TTF1: variants seen among roughly 807,000 people sequenced by gnomAD.
TTF1 encodes the protein transcription termination factor, RNA polymerase I.
Under a neutral mutation model 80.2 loss-of-function variants are expected in TTF1, and 64 were observed. The ratio of observed to expected loss-of-function variants is 0.80; its 90% CI spans 0.65 to 0.98. The LOEUF (loss-of-function observed/expected upper bound fraction) is 0.98. TTF1 is among the 50% of genes least tolerant of loss of function. The pLI, the probability that TTF1 is intolerant of heterozygous loss-of-function variation, is 0.00. For missense variants in TTF1, 1,023 were observed against 1,086.2 expected, an observed-to-expected ratio of 0.94 and a Z score of 0.82; for synonymous variants, 372 against 382.7, an observed-to-expected ratio of 0.97 and a Z score of 0.33.
At chr9:132,403,141 C>T (rs1849799875) in intron 1 of TTF1, among the ~76,000 whole-genome samples, 1 of 152,148 alleles carries the variant, frequency 6.6e-6, no homozygotes, top group Non-Finnish European at 1.5e-5. Context: ...TTACAGGCGT[C>T]AGCCACCGTG....
chr9:132,396,373 T>C, intron 5 of TTF1, 60 bp downstream of exon 5: 1 of 1,507,416 alleles, frequency 6.6e-7, no homozygotes. Context: ...ATATTTTGAT[T>C]TATGGTATCA....
chr9:132,388,985 G>A (rs940814937), intron 7 of TTF1, among the ~76,000 whole-genome samples: 2 of 152,148 alleles, frequency 1.3e-5, no homozygotes, highest in Middle Eastern at 3.2e-3. Context: ...TGTACCAGTG[G>A]AGGTCACTTC....
In TTF1 at chr9:132,375,550, T is replaced by C. The variant is rs1849156589; in HGVS notation, c.*365A>G. 2 of 168,820 alleles carry C rather than the reference T, an allele frequency of 1.2e-5. No homozygotes were observed. The highest frequency in any genetic ancestry group is 2.9e-4 in the South Asian group (2 of 6,814). The allele number at this position is 168,820 out of a possible 1,614,324, so 10.5% of individuals were successfully genotyped here. ...AAATCAATTCATATGTTCCTCTCTT[T>C]TCACATTCAAATACGTTTTAATAGG... On this transcript the variant is annotated 3_prime_UTR_variant, in exon 11 of 11. Coordinates refer to ENST00000334270, the MANE Select transcript of TTF1 (RefSeq NM_007344.4).
At position 132,400,364 on chromosome 9, in the gene TTF1, G is replaced by A. The variant is rs546733737; in HGVS notation, c.1368-106C>T. On this transcript the variant is annotated intron_variant, in intron 2 of 10. Coordinates refer to ENST00000334270, the MANE Select transcript of TTF1 (RefSeq NM_007344.4). ...TCGTGAGACAGAGGCTTGCTCTGTC[G>A]CCAGGCTGGAGTGCAATGGTGCGAT... 30 of 911,354 alleles carry A rather than the reference G, an allele frequency of 3.3e-5. 1 individual carries two copies. Among genetic ancestry groups the A allele is most frequent in the Middle Eastern group, 2.9e-4 (1 of 3,414 alleles). 56.5% of individuals were successfully genotyped at this position (911,354 alleles called of 1,614,324 possible).
chr9:132,400,883 A>AT (rs1267185913), intron 2 of TTF1, among the ~76,000 whole-genome samples: 1 of 152,076 alleles, frequency 6.6e-6, no homozygotes, highest in South Asian at 2.1e-4. Context: ...TTACTCATAG[A>AT]TTTTCTAGGG....
intron 1 of TTF1, among the ~76,000 whole-genome samples, chr9:132,405,142 C>CT (rs1451632746): frequency 1.4e-4 from 21 of 152,208 alleles, no homozygotes; most frequent in Admixed American, 1.4e-3. Flanking sequence ...CCGCCTCGGC[C>CT]TCCCAAAGTG....
chr9:132,392,678 C>T (rs1364993454), intron 5 of TTF1, among the ~76,000 whole-genome samples: 2 of 152,190 alleles, frequency 1.3e-5, no homozygotes, highest in East Asian at 3.8e-4. Context: ...CTTGTTCATG[C>T]CTCTTCCTCC....
chr9:132,392,352 T>G, intron 5 of TTF1, 146 bp from the exon 6 acceptor site: 1 of 946,116 alleles, frequency 1.1e-6, no homozygotes, highest in Non-Finnish European at 1.6e-6. Context: ...CACTTCCTGT[T>G]GGCGTCTCAC....
rs149259603 is a variant in TTF1, at chr9:132,380,196, A to T, written c.2379-1052T>A. Reference sequence around the variant, plus strand: ...GTTGTTCTCCTGGCTCAGCCTCCTGAGTAGCTGGGATTACAGGTGCCCACC... The same window carrying T: ...GTTGTTCTCCTGGCTCAGCCTCCTGTGTAGCTGGGATTACAGGTGCCCACC... On this transcript the variant is annotated intron_variant, in intron 9 of 10. Transcript: ENST00000334270. Among the ~76,000 whole-genome samples the T allele has an allele frequency of 4.0e-3, 611 of 152,080 alleles. 1 individual carries two copies. Among genetic ancestry groups the T allele is most frequent in the South Asian group, 9.6e-3 (46 of 4,816 alleles).
chr9:132,381,451 A>G (rs1213819863), intron 9 of TTF1, among the ~76,000 whole-genome samples: 1 of 152,190 alleles, frequency 6.6e-6, no homozygotes, highest in Non-Finnish European at 1.5e-5. Flanking sequence ...TGGCCTCCCA[A>G]AGTGCTGGGA....
chr9:132,385,972 T>C (rs912306787), intron 9 of TTF1, among the ~76,000 whole-genome samples: 2 of 152,210 alleles, frequency 1.3e-5, no homozygotes, highest in African/African-American at 4.8e-5. Context: ...GCCTGGCATA[T>C]AGGCACCTCG....
At chr9:132,400,572 C>T (rs989981239) in intron 2 of TTF1, among the ~76,000 whole-genome samples, 37 of 152,326 alleles carry the variant, frequency 2.4e-4, no homozygotes, top group Middle Eastern at 3.4e-3. Context: ...ACTCACCCAC[C>T]TTGGCCTCCC....
chr9:132,375,807 C>A lies in TTF1; in HGVS notation c.*108G>T. On this transcript the variant is annotated 3_prime_UTR_variant, in exon 11 of 11. Transcript: ENST00000334270. ...AAGCAATTCTCCTGCCTCAGCCTCC[C>A]AAGTAGTTGAAATTACAGGTGTGCA... 2 of 681,280 alleles carry A rather than the reference C, an allele frequency of 2.9e-6. No homozygotes were observed. Among genetic ancestry groups the A allele is most frequent in the Admixed American group, 5.7e-5 (2 of 35,046 alleles). The allele number at this position is 681,280 out of a possible 1,614,324, so 42.2% of individuals were successfully genotyped here. A position where few individuals can be genotyped will look rare whatever the true frequency, so the allele number is the denominator to read the frequency against.
At chr9:132,378,480 GGTGT>G (rs1237802778) in intron 10 of TTF1, among the ~76,000 whole-genome samples, 2 of 137,522 alleles carry the variant, frequency 1.5e-5, no homozygotes, top group Admixed American at 1.5e-4. Context: ...GAGTGCATGT[GGTGT>G]GTGTGAATGC....
chr9:132,390,782 C>CT lies in TTF1; in HGVS notation c.2036dup (p.Ala680GlyfsTer27). The CT allele has an allele frequency of 6.2e-7, 1 of 1,614,166 alleles. No individual in the cohort carries two copies. The highest frequency in any genetic ancestry group is 1.3e-5 in the African/African-American group (1 of 75,020). On this transcript the variant is annotated frameshift_variant, in exon 7 of 11. Transcript: ENST00000334270. LOFTEE classifies it high-confidence loss of function. ...TCTTCAGAATCACTTCTTCGACAGC[C>CT]TTGATTAGTTTCCGGGTTTCAGACT...
chr9:132,380,871 T>C (rs1460491806), intron 9 of TTF1, among the ~76,000 whole-genome samples: 2 of 152,194 alleles, frequency 1.3e-5, no homozygotes. Flanking sequence ...GTTCATCAGT[T>C]ACCCCCTACC....
At chr9:132,403,834 C>T (rs1849812131) in intron 1 of TTF1, among the ~76,000 whole-genome samples, 1 of 152,146 alleles carries the variant, frequency 6.6e-6, no homozygotes, top group Admixed American at 6.5e-5. Context: ...TGACCTCAAA[C>T]CAGAAGTTGG....
rs1163120728 is a variant in TTF1, at chr9:132,400,207, T to C, written c.1419A>G (p.Glu473=). The C allele has an allele frequency of 6.2e-7, 1 of 1,614,218 alleles. No individual in the cohort carries two copies. Among genetic ancestry groups the C allele is most frequent in the Admixed American group, 1.7e-5 (1 of 60,030 alleles). Residue 473 remains glutamate, a synonymous_variant, in exon 3 of 11, where the codon GAA becomes GAG. Coordinates refer to ENST00000334270, the MANE Select transcript of TTF1 (RefSeq NM_007344.4). ...CTGAATCTGCAGATAAGTATCTTAT[T>C]TCGGAATCTTCAGCTGTTTCCACAT... ...EHNVETAEDS[E]IRYLSADSGD...
At chr9:132,383,161 T>C (rs185876153) in intron 9 of TTF1, among the ~76,000 whole-genome samples, 1 of 150,758 alleles carries the variant, frequency 6.6e-6, no homozygotes, top group East Asian at 1.9e-4. Context: ...GGCACAAGAA[T>C]TGCTTGAACC....
Sources: gnomAD v4.1 joint callset for allele counts (sites outside exome capture counted in the v4.1 genomes callset) on GRCh38, gnomAD v4.1.1 for gene constraint, MANE v1.5 for transcripts, NCBI Gene and HGNC (gene_info 2026-07-23, HGNC 2026-07-21) for gene names.